Variants in FAM135A observed in about 807,000 individuals in gnomAD.
FAM135A encodes the protein protein FAM135A.
In FAM135A, 79 loss-of-function variants were observed where a neutral mutation model predicts 146.8. That is an observed-to-expected ratio of 0.54 (90% CI 0.45 to 0.65). The LOEUF is 0.65. Among genes scored for constraint, FAM135A ranks in the 30% least tolerant of loss-of-function variants. The pLI, the probability that FAM135A is intolerant of heterozygous loss-of-function variation, is 0.00. For missense variants in FAM135A, 1,623 were observed against 1,758.2 expected, an observed-to-expected ratio of 0.92 and a Z score of 1.38; for synonymous variants, 562 against 603.6, an observed-to-expected ratio of 0.93 and a Z score of 1.01.
chr6:70,522,363 T>C (rs1793787127), intron 12 of FAM135A, 150 bp from the exon 13 acceptor site: 4 of 651,306 alleles, frequency 6.1e-6, no homozygotes, highest in Non-Finnish European at 1.1e-5. Context: ...CAAAAATACA[T>C]TGGCAACACT....
intron 5 of FAM135A, among the ~76,000 whole-genome samples, chr6:70,467,304 AT>A (rs1780657157): frequency 6.6e-6 from 1 of 150,918 alleles, no homozygotes; most frequent in South Asian, 2.1e-4. Context: ...TACTAATCTT[AT>A]TTTTTTCTCC....
At chr6:70,508,094 A>G (rs1790201659) in intron 12 of FAM135A, among the ~76,000 whole-genome samples, 1 of 152,182 alleles carries the variant, frequency 6.6e-6, no homozygotes, top group Admixed American at 6.5e-5. Flanking sequence ...CGAGGTTCAT[A>G]CTAGTGGATT....
chr6:70,521,738 C>T (rs943286084), intron 12 of FAM135A, among the ~76,000 whole-genome samples: 3 of 152,156 alleles, frequency 2.0e-5, no homozygotes, highest in Non-Finnish European at 4.4e-5. Context: ...AATTTTGCTC[C>T]AGTAGCTGAC....
intron 12 of FAM135A, among the ~76,000 whole-genome samples, chr6:70,505,210 A>G (rs9455134): frequency 0.021 from 3,232 of 152,234 alleles, 108 homozygotes; most frequent in African/African-American, 0.074. Flanking sequence ...ACATTCTCTT[A>G]GGTTAACCAA....
At chr6:70,544,746 T>TA (rs145349270) in intron 20 of FAM135A, among the ~76,000 whole-genome samples, 18,964 of 148,768 alleles carry the variant, frequency 0.13, 1,456 homozygotes, top group Middle Eastern at 0.2. Flanking sequence ...CTCAAAAACT[T>TA]AAAAAAAAAT....
Position 70,418,952 on chromosome 6 carries a change from T to C in FAM135A, c.-134+3576T>C, listed in dbSNP as rs73474948. On this transcript the variant is annotated intron_variant, in intron 2 of 21. Coordinates refer to ENST00000418814, the MANE Select transcript of FAM135A (RefSeq NM_001162529.3). ...CTCAAAGACTGTAAGGGCCAGAGCT[T>C]ATGTTGATTGGAGTTCTGTGCTATA... 4.0e-3 allele frequency among the ~76,000 whole-genome samples: 615 copies of C among 152,280 alleles called. 3 individuals are homozygous for C. The highest frequency in any genetic ancestry group is 0.014 in the African/African-American group (595 of 41,548).
chr6:70,487,030 C>T (rs1464521153), intron 10 of FAM135A, among the ~76,000 whole-genome samples: 1 of 139,260 alleles, frequency 7.2e-6, no homozygotes, highest in Non-Finnish European at 1.5e-5. Context: ...TTGCAGTGAG[C>T]CAAGATCGTG....
intron 2 of FAM135A, chr6:70,418,604 A>C (rs991574849): frequency 4.6e-5 from 7 of 152,390 alleles, no homozygotes; most frequent in African/African-American, 1.7e-4. Flanking sequence ...GGCATGAGCC[A>C]CTGTGCCTGA....
chr6:70,526,768 C>T (rs961981494), intron 15 of FAM135A, 70 bp downstream of exon 15: 84 of 149,704 alleles, frequency 5.6e-4, no homozygotes, highest in South Asian at 9.9e-4. Context: ...CACACACATA[C>T]ACACACACAC....
chr6:70,538,261 C>A, intron 19 of FAM135A, 30 bp from the exon 20 acceptor site: 1 of 1,222,532 alleles, frequency 8.2e-7, no homozygotes, highest in South Asian at 2.6e-5. Context: ...TATTTCATTT[C>A]ATACTTCTAT....
chr6:70,431,482 A>G lies in FAM135A; in HGVS notation c.77+3063A>G, dbSNP rs563231936. Among the ~76,000 whole-genome samples the G allele has an allele frequency of 2.6e-5, 4 of 152,288 alleles. No individual in the cohort carries two copies. In the South Asian group the frequency reaches 8.3e-4, roughly 32 times the overall value. On this transcript the variant is annotated intron_variant, in intron 4 of 21. Transcript: ENST00000418814. ...CATGGGTCCACAGAAGAGAGAAACC[A>G]TGCCAGCAGACCTCATATCATCTAG...
intron 9 of FAM135A, 152 bp downstream of exon 9, chr6:70,481,179 C>A: frequency 1.4e-6 from 1 of 735,674 alleles, no homozygotes; most frequent in Non-Finnish European, 2.0e-6. Flanking sequence ...TTGTTTGGTT[C>A]TAATTGTCTA....
At chr6:70,467,214 T>C (rs1217815483) in intron 5 of FAM135A, among the ~76,000 whole-genome samples, 2 of 152,188 alleles carry the variant, frequency 1.3e-5, no homozygotes, top group African/African-American at 4.8e-5. Context: ...GAAACCTTTT[T>C]TCTTTGGAAT....
intron 11 of FAM135A, 26 bp downstream of exon 11, chr6:70,491,109 C>G (rs1785845730): frequency 6.4e-7 from 1 of 1,564,524 alleles, no homozygotes; most frequent in Non-Finnish European, 8.7e-7. Context: ...AAATTCACAT[C>G]ATCAAGTTAT....
rs1377254462 is a variant in FAM135A, at chr6:70,502,680, T to C, written c.918T>C (p.Asn306=). 1.2e-6 allele frequency: 2 copies of C among 1,613,052 alleles called. No homozygotes were observed. Among genetic ancestry groups the C allele is most frequent in the Non-Finnish European group, 1.7e-6 (2 of 1,179,530 alleles). The change falls in exon 12 of 22, where the codon AAT becomes AAC. Residue 306 remains asparagine (N), a synonymous_variant. Transcript: ENST00000418814. ...PDELAELINM[N]LAQLCSLLMA... is the part of the protein sequence containing the mutation. ...AACTGGCAGAACTTATAAATATGAA[T>C]CTTGCGCAACTTTGCTCACTTTTGA...
intron 4 of FAM135A, among the ~76,000 whole-genome samples, chr6:70,435,851 T>C (rs1263441584): frequency 6.6e-6 from 1 of 152,216 alleles, no homozygotes; most frequent in Non-Finnish European, 1.5e-5. Context: ...AAAAAAGTGA[T>C]TCCTTGTCTA....
intron 4 of FAM135A, among the ~76,000 whole-genome samples, chr6:70,430,598 C>G (rs964246710): frequency 2.0e-5 from 3 of 152,198 alleles, no homozygotes; most frequent in African/African-American, 7.2e-5. Context: ...ATCTACCAAT[C>G]TCTGCTACTT....
At chr6:70,440,799 T>C (rs1282947360) in intron 4 of FAM135A, among the ~76,000 whole-genome samples, 1 of 152,060 alleles carries the variant, frequency 6.6e-6, no homozygotes, top group Non-Finnish European at 1.5e-5. Flanking sequence ...CCTGAAATAA[T>C]GAAACAACGT....
intron 11 of FAM135A, among the ~76,000 whole-genome samples, chr6:70,494,070 A>T (rs538918663): frequency 1.3e-5 from 2 of 151,808 alleles, no homozygotes; most frequent in East Asian, 3.9e-4. Flanking sequence ...AAAAAAAAAA[A>T]AAAAGATGTT....
Sources: allele counts gnomAD v4.1 joint callset (sites outside exome capture counted in the v4.1 genomes callset), GRCh38; gene constraint gnomAD v4.1.1; transcripts MANE v1.5; gene names NCBI Gene and HGNC (gene_info 2026-07-23, HGNC 2026-07-21).